ZSCAN21: variants seen among roughly 807,000 people sequenced by gnomAD.
The protein encoded by ZSCAN21 is zinc finger and SCAN domain containing 21, also known as zinc finger and SCAN domain-containing protein 21.
A neutral mutation model predicts 35.6 loss-of-function variants in ZSCAN21; 26 were observed. The ratio of observed to expected loss-of-function variants is 0.73; its 90% CI spans 0.54 to 1.01. The LOEUF (loss-of-function observed/expected upper bound fraction) is 1.01. ZSCAN21 is among the 50% of genes least tolerant of loss of function. The probability of loss-of-function intolerance (pLI) is 0.00; values close to 1 mark genes in which losing one functional copy is unlikely to be tolerated. For missense variants in ZSCAN21, 593 were observed against 587.1 expected (o/e 1.01, Z -0.10); for synonymous variants, 219 against 219.3 (o/e 1.00, Z 0.01).
Position 100,064,550 on chromosome 7 carries a change from CCTT to C in ZSCAN21, c.1358_1360del (p.Phe453del), listed in dbSNP as rs966340241. 6 of 1,614,190 alleles carry C rather than the reference CCTT, an allele frequency of 3.7e-6. No individual in the cohort carries two copies. Among genetic ancestry groups the C allele is most frequent in the African/African-American group, 1.3e-5 (1 of 75,038 alleles). Reference sequence around the variant, plus strand: ...TACTGGTGTCATCACTGTGGAAAGACCTTCTGTAGCAAGTCCAATCTTTCCAAA... The same window carrying C: ...TACTGGTGTCATCACTGTGGAAAGACCTGTAGCAAGTCCAATCTTTCCAAA... On this transcript the variant is annotated inframe_deletion, in exon 4 of 4. Transcript: ENST00000292450.
intron 3 of ZSCAN21, among the ~76,000 whole-genome samples, chr7:100,061,925 G>A (rs548793286): frequency 6.6e-6 from 1 of 152,334 alleles, no homozygotes; most frequent in South Asian, 2.1e-4. Flanking sequence ...GGACTTTGAA[G>A]AGGTGTGACT....
At chr7:100,062,050 C>A (rs113247056) in intron 3 of ZSCAN21, among the ~76,000 whole-genome samples, 67 of 152,120 alleles carry the variant, frequency 4.4e-4, no homozygotes, top group Non-Finnish European at 8.8e-4. Context: ...GAGCGTGAAG[C>A]CCTCTTGGAG....
chr7:100,051,319 A>G, intron 1 of ZSCAN21, among the ~76,000 whole-genome samples: 3 of 28,444 alleles, frequency 1.1e-4, no homozygotes, highest in African/African-American at 1.8e-4. Flanking sequence ...TTTGAGATGG[A>G]GTCTCGCTCT....
In ZSCAN21 at chr7:100,064,922, G is replaced by A. The variant is rs747596972; in HGVS notation, c.*305G>A. 3.1e-6 allele frequency: 5 copies of A among 1,612,266 alleles called. No homozygotes were observed. The South Asian group carries it at 5.5e-5, about 18-fold the overall frequency. The stretch of plus-strand genomic sequence containing the variant: ...CAGACGTGTATCCAGTCTAGTTAAG[G>A]AAGAAACATTAAGATTGTTTAATTT... On this transcript the variant is annotated 3_prime_UTR_variant, in exon 4 of 4. Transcript: ENST00000292450.
rs1188940222 is a variant in ZSCAN21, at chr7:100,053,051, G to A, written c.-97+3210G>A. On this transcript the variant is annotated intron_variant, in intron 1 of 3. Coordinates refer to ENST00000292450, the MANE Select transcript of ZSCAN21 (RefSeq NM_145914.3). ...TGAGGCATGAGAATAACTTGAACTC[G>A]GGAGGCGAAGGTTGCAGTGAGCCAA... 2.6e-5 allele frequency among the ~76,000 whole-genome samples: 4 copies of A among 151,514 alleles called. 1 individual carries two copies. Among genetic ancestry groups the A allele is most frequent in the Non-Finnish European group, 4.4e-5 (3 of 67,868 alleles).
At chr7:100,061,393 G>A (rs978108601) in intron 3 of ZSCAN21, among the ~76,000 whole-genome samples, 3 of 151,604 alleles carry the variant, frequency 2.0e-5, no homozygotes, top group African/African-American at 7.3e-5. Flanking sequence ...GTGGTGGCTA[G>A]TGCCTGGGGT....
Position 100,064,495 on chromosome 7 carries a change from C to T in ZSCAN21, c.1300C>T (p.His434Tyr). Residue 434 changes from histidine to tyrosine, a missense_variant, in exon 4 of 4, where the codon CAC becomes TAC. Transcript: ENST00000292450. ...AFNHSSNFNK[H>Y]HRIHTGEKPY... ...CAACCACAGCTCCAACTTCAATAAA[C>T]ACCACAGAATCCACACCGGGGAAAA... The T allele has an allele frequency of 6.2e-7, 1 of 1,614,064 alleles. No homozygotes were observed. Among genetic ancestry groups the T allele is most frequent in the Non-Finnish European group, 8.5e-7 (1 of 1,179,994 alleles).
At chr7:100,052,525 C>A (rs1039795044) in intron 1 of ZSCAN21, among the ~76,000 whole-genome samples, 3 of 151,860 alleles carry the variant, frequency 2.0e-5, no homozygotes, top group African/African-American at 4.8e-5. Flanking sequence ...ATGAGAGTTG[C>A]CATTAGCTGA....
chr7:100,061,790 C>T (rs543487999), intron 3 of ZSCAN21, among the ~76,000 whole-genome samples: 17 of 152,216 alleles, frequency 1.1e-4, no homozygotes, highest in Admixed American at 2.6e-4. Flanking sequence ...GAAGGGGAAA[C>T]GGGTGAAGAA....
intron 3 of ZSCAN21, 22 bp downstream of exon 3, chr7:100,057,912 C>G (rs372175764): frequency 5.3e-4 from 812 of 1,544,856 alleles, no homozygotes; most frequent in Non-Finnish European, 6.8e-4. Flanking sequence ...CCATTAGACT[C>G]CTATTCAGTG....
chr7:100,051,335 C>G (rs1430706164), intron 1 of ZSCAN21: 2 of 92,146 alleles, frequency 2.2e-5, no homozygotes, highest in African/African-American at 7.9e-5. Flanking sequence ...GCTCTGTCGC[C>G]TAGGTTGGAA....
intron 1 of ZSCAN21, among the ~76,000 whole-genome samples, chr7:100,052,806 C>T (rs59261051): frequency 0.25 from 37,515 of 151,890 alleles, 5,037 homozygotes; most frequent in East Asian, 0.4. Flanking sequence ...AGTCTTTATG[C>T]ATTGTACATT....
intron 3 of ZSCAN21, 112 bp from the exon 4 acceptor site, chr7:100,063,676 A>T: frequency 2.1e-6 from 2 of 960,322 alleles, no homozygotes; most frequent in East Asian, 2.4e-5. Context: ...AGCTCTGTTT[A>T]GTCACCCTTC....
chr7:100,064,891 G>C lies in ZSCAN21; in HGVS notation c.*274G>C. The C allele has an allele frequency of 2.4e-6, 2 of 846,452 alleles. No individual in the cohort carries two copies. The highest frequency in any genetic ancestry group is 3.3e-6 in the Non-Finnish European group (2 of 608,504). 52.4% of individuals were successfully genotyped at this position (846,452 alleles called of 1,614,324 possible). On this transcript the variant is annotated 3_prime_UTR_variant, in exon 4 of 4. Transcript: ENST00000292450. ...CCATGCCAGCATTACCTTTTGCGTA[G>C]TTAAACAGACGTGTATCCAGTCTAG...
intron 3 of ZSCAN21, among the ~76,000 whole-genome samples, chr7:100,061,367 C>G (rs910049583): frequency 1.3e-5 from 2 of 151,704 alleles, no homozygotes; most frequent in Admixed American, 6.6e-5. Flanking sequence ...ACAAAAAATA[C>G]GAAAATTAGC....
At chr7:100,060,605 G>T (rs549014829) in intron 3 of ZSCAN21, among the ~76,000 whole-genome samples, 1 of 150,538 alleles carries the variant, frequency 6.6e-6, no homozygotes, top group South Asian at 2.1e-4. Context: ...GGTGGCTCAC[G>T]CCTGTAATCC....
rs776726823 is a variant in ZSCAN21, at chr7:100,054,494, C to A, written c.-96-2417C>A. ...CGAACTCCTGACCTCAGGTGATCCA[C>A]CTGCCTCGGTCTCCCAAAGTGCTGG... is the stretch of plus-strand genomic sequence containing the variant. On this transcript the variant is annotated intron_variant, in intron 1 of 3. Transcript: ENST00000292450. Among the ~76,000 whole-genome samples the A allele has an allele frequency of 4.2e-4, 64 of 152,178 alleles. No individual in the cohort carries two copies. The Middle Eastern group carries it at 0.01, about 24-fold the overall frequency.
At chr7:100,058,197 C>G (rs1792150992) in intron 3 of ZSCAN21, among the ~76,000 whole-genome samples, 1 of 152,002 alleles carries the variant, frequency 6.6e-6, no homozygotes, top group African/African-American at 2.4e-5. Flanking sequence ...GTAGAGACTT[C>G]AAATGAACCA....
At chr7:100,062,327 A>G (rs1160368192) in intron 3 of ZSCAN21, among the ~76,000 whole-genome samples, 6 of 124,280 alleles carry the variant, frequency 4.8e-5, no homozygotes, top group East Asian at 2.3e-4. Context: ...GTGGTGGTTC[A>G]TGCCTGTAAT....
Sources: gnomAD v4.1 joint callset for allele counts (sites outside exome capture counted in the v4.1 genomes callset) on GRCh38, gnomAD v4.1.1 for gene constraint, MANE v1.5 for transcripts, NCBI Gene and HGNC (gene_info 2026-07-23, HGNC 2026-07-21) for gene names.